Variants in TMEM163 observed in about 807,000 individuals in gnomAD.
TMEM163 encodes transmembrane protein 163.
TMEM163 carries 17 observed loss-of-function variants against 29.3 expected under a neutral mutation model. The observed-to-expected ratio is 0.58, with a 90% CI of 0.40 to 0.87. The LOEUF (loss-of-function observed/expected upper bound fraction) is 0.87. Ranked by LOEUF, TMEM163 falls within the 40% of genes least tolerant of loss-of-function variation. The pLI, the probability that TMEM163 is intolerant of heterozygous loss-of-function variation, is 0.00. For missense variants in TMEM163, 303 were observed against 381.5 expected (o/e 0.79, Z 1.71); for synonymous variants, 157 against 160.6 (o/e 0.98, Z 0.17).
intron 2 of TMEM163, among the ~76,000 whole-genome samples, chr2:134,670,230 G>A (rs1402915736): frequency 6.6e-6 from 1 of 151,770 alleles, no homozygotes; most frequent in East Asian, 1.9e-4. Context: ...CTACTTCCTA[G>A]TAGAGTAAAT....
chr2:134,570,755 G>T (rs1169537965), intron 2 of TMEM163, among the ~76,000 whole-genome samples: 2 of 152,102 alleles, frequency 1.3e-5, no homozygotes, highest in Non-Finnish European at 2.9e-5. Context: ...GACAGAAAAG[G>T]TCTTCCTCCC....
intron 2 of TMEM163, among the ~76,000 whole-genome samples, chr2:134,700,909 CATAAATAAATAAATAA>C (rs746341374): frequency 1.7e-5 from 1 of 58,706 alleles, no homozygotes. Context: ...CTCGAAAATA[CATAAATAAATAAATAA>C]ATAAATAAAT....
chr2:134,535,565 A>C (rs1224457933), intron 4 of TMEM163, among the ~76,000 whole-genome samples: 2 of 152,236 alleles, frequency 1.3e-5, no homozygotes, highest in Non-Finnish European at 2.9e-5. Context: ...ATCAAAGGGC[A>C]TAAAGTTTCA....
chr2:134,466,160 C>T lies in TMEM163; in HGVS notation c.621G>A (p.Lys207=), dbSNP rs770972478. 23 of 1,614,090 alleles carry T rather than the reference C, an allele frequency of 1.4e-5. No homozygotes were observed. Among genetic ancestry groups the T allele is most frequent in the Admixed American group, 1.2e-4 (7 of 60,034 alleles). Residue 207 remains lysine (K), a synonymous_variant, in exon 6 of 8, where the codon AAG becomes AAA. Transcript: ENST00000281924. ...GILCSILAVL[K]FMLGKVLTSR... is the part of the protein sequence containing the mutation. ...TGGTCAGAACCTTCCCCAGCATGAA[C>T]TTCAACACGGCCAGGATGCTGCAAA...
intron 4 of TMEM163, among the ~76,000 whole-genome samples, chr2:134,514,663 G>T (rs1292139668): frequency 6.6e-6 from 1 of 152,164 alleles, no homozygotes; most frequent in African/African-American, 2.4e-5. Flanking sequence ...CTGCAGAAGT[G>T]TGTATCATTG....
intron 2 of TMEM163, among the ~76,000 whole-genome samples, chr2:134,705,889 A>T (rs1435384432): frequency 1.3e-5 from 2 of 152,222 alleles, no homozygotes; most frequent in Non-Finnish European, 2.9e-5. Flanking sequence ...AGAAGGGACG[A>T]GGGACCCTGA....
At chr2:134,596,032 A>C (rs1682072565) in intron 2 of TMEM163, among the ~76,000 whole-genome samples, 1 of 152,166 alleles carries the variant, frequency 6.6e-6, no homozygotes, top group Non-Finnish European at 1.5e-5. Context: ...AGATAAGTAG[A>C]TTGCAAAAAT....
intron 5 of TMEM163, 23 bp downstream of exon 5, chr2:134,502,878 T>C: frequency 6.2e-7 from 1 of 1,609,434 alleles, no homozygotes; most frequent in East Asian, 2.2e-5. Flanking sequence ...GGAAGGATTG[T>C]TAAGGAAGAA....
intron 4 of TMEM163, among the ~76,000 whole-genome samples, chr2:134,523,492 G>T (rs1680230082): frequency 6.6e-6 from 1 of 152,254 alleles, no homozygotes; most frequent in Non-Finnish European, 1.5e-5. Flanking sequence ...AGCTATTACT[G>T]ATGTCTTTCA....
At chr2:134,563,481 CAAACGAAGGAA>C (rs1681227464) in intron 2 of TMEM163, among the ~76,000 whole-genome samples, 1 of 152,044 alleles carries the variant, frequency 6.6e-6, no homozygotes. Context: ...ATATTAGCCA[CAAACGAAGGAA>C]ATGTAATTTT....
intron 2 of TMEM163, among the ~76,000 whole-genome samples, chr2:134,616,335 TCAAA>T (rs1259068354): frequency 2.6e-5 from 4 of 152,230 alleles, no homozygotes; most frequent in African/African-American, 9.6e-5. Context: ...ATTCTTCTCA[TCAAA>T]CAAAGACAAT....
chr2:134,564,495 T>A (rs1191227824), intron 2 of TMEM163, among the ~76,000 whole-genome samples: 2 of 152,172 alleles, frequency 1.3e-5, no homozygotes, highest in Non-Finnish European at 2.9e-5. Flanking sequence ...AAACTAGACA[T>A]AAATGCATTC....
intron 4 of TMEM163, among the ~76,000 whole-genome samples, chr2:134,545,203 C>T (rs1375809467): frequency 6.6e-6 from 1 of 152,190 alleles, no homozygotes; most frequent in East Asian, 1.9e-4. Flanking sequence ...TAGCAATCCA[C>T]TGTCACCAGA....
At chr2:134,671,104 G>A (rs1683986753) in intron 2 of TMEM163, among the ~76,000 whole-genome samples, 1 of 152,146 alleles carries the variant, frequency 6.6e-6, no homozygotes, top group East Asian at 1.9e-4. Flanking sequence ...GATTGGGACT[G>A]GGGACTGCTT....
In TMEM163 at chr2:134,485,985, G is replaced by A. The variant is rs76387228; in HGVS notation, c.555+16916C>T. Among the ~76,000 whole-genome samples, 169 of 152,250 alleles carry A rather than the reference G, an allele frequency of 1.1e-3. 1 individual carries two copies. Among genetic ancestry groups the A allele is most frequent in the African/African-American group, 3.8e-3 (156 of 41,552 alleles). On this transcript the variant is annotated intron_variant, in intron 5 of 7. Transcript: ENST00000281924. Reference sequence around the variant, plus strand: ...TGAGAAAGTCCCCTTGAAAGCACTCGTTGGCCATCAGGCCTGAAGAATCAT... The same window carrying A: ...TGAGAAAGTCCCCTTGAAAGCACTCATTGGCCATCAGGCCTGAAGAATCAT...
intron 4 of TMEM163, among the ~76,000 whole-genome samples, chr2:134,542,576 T>G (rs1680699322): frequency 6.6e-6 from 1 of 152,050 alleles, no homozygotes; most frequent in South Asian, 2.1e-4. Context: ...TGGCATTAGA[T>G]TCTCATAGGA....
At chr2:134,471,928 A>G (rs1037869980) in intron 5 of TMEM163, among the ~76,000 whole-genome samples, 10 of 152,348 alleles carry the variant, frequency 6.6e-5, no homozygotes, top group African/African-American at 2.4e-4. Context: ...GTCCCTCAAC[A>G]GTGGACTCCG....
intron 2 of TMEM163, among the ~76,000 whole-genome samples, chr2:134,635,460 G>GT (rs1391590553): frequency 6.6e-6 from 1 of 151,972 alleles, no homozygotes; most frequent in Non-Finnish European, 1.5e-5. Flanking sequence ...TACCATTTGA[G>GT]GTATCTCAGA....
intron 2 of TMEM163, among the ~76,000 whole-genome samples, chr2:134,597,109 T>C (rs1353772569): frequency 1.2e-4 from 18 of 148,850 alleles, no homozygotes; most frequent in South Asian, 6.4e-4. Context: ...CTTTATTTCT[T>C]TCTCCTGCCT....
Sources: gnomAD v4.1 joint callset for allele counts (sites outside exome capture counted in the v4.1 genomes callset) on GRCh38, gnomAD v4.1.1 for gene constraint, MANE v1.5 for transcripts, NCBI Gene and HGNC (gene_info 2026-07-23, HGNC 2026-07-21) for gene names.